The following FAP variants were observed in gnomAD, a reference collection of about 807,000 sequenced individuals.
FAP encodes fibroblast activation protein alpha.
Under a neutral mutation model 126.5 loss-of-function variants are expected in FAP, and 110 were observed. The observed-to-expected ratio is 0.87, with a 90% CI of 0.74 to 1.02. The LOEUF is 1.02. Ranked by LOEUF, FAP falls within the 50% of genes least tolerant of loss-of-function variation. FAP has a pLI of 0.00. For synonymous variants in FAP, 334 were observed against 297.3 expected, an observed-to-expected ratio of 1.12 and a Z score of -1.27; for missense variants, 919 against 909.2, an observed-to-expected ratio of 1.01 and a Z score of -0.14.
chr2:162,189,146 G>A lies in FAP; in HGVS notation c.1576C>T (p.Pro526Ser), dbSNP rs183442955. 115 of 1,603,006 alleles carry A rather than the reference G, an allele frequency of 7.2e-5. No homozygotes were observed. In the Middle Eastern group the frequency reaches 3.0e-3, roughly 42 times the overall value. ...ITLWYKMILP[P>S]QFDRSKKYPL... ...TACTTCTTTGATCTGTCAAATTGAG[G>A]AGGAAGAATCATCTTGTACCATAAA... Residue 526 changes from proline to serine, a missense_variant, in exon 19 of 26, where the codon CCT becomes TCT. By Grantham distance (74) the Pro-to-Ser change is moderately conservative. Transcript: ENST00000188790.
rs754022569 is a variant in FAP, at chr2:162,203,050, T to A, written c.1143A>T (p.Lys381Asn). ...CTTGGAAGGAACGTACCACAGTGTC[T>A]TTGATATAGTGAATATGTTTGTAGC... Reference protein sequence around the residue: ...KDGYKHIHYIKDTVENAIQIT... With the variant: ...KDGYKHIHYINDTVENAIQIT... The change falls in exon 13 of 26, where the codon AAA (lysine) becomes AAT (asparagine). Residue 381 changes from lysine to asparagine, a missense_variant. Transcript: ENST00000188790. The A allele has an allele frequency of 1.2e-6, 2 of 1,611,686 alleles. No individual in the cohort carries two copies. Among genetic ancestry groups the A allele is most frequent in the African/African-American group, 2.7e-5 (2 of 75,034 alleles).
chr2:162,224,065 A>G (rs1689526817), intron 5 of FAP, among the ~76,000 whole-genome samples: 1 of 152,102 alleles, frequency 6.6e-6, no homozygotes, highest in Admixed American at 6.6e-5. Context: ...TTCTAATTAT[A>G]CCCTTTAAAA....
intron 8 of FAP, among the ~76,000 whole-genome samples, chr2:162,218,822 G>A (rs974606401): frequency 2.6e-5 from 4 of 151,898 alleles, no homozygotes; most frequent in African/African-American, 9.7e-5. Context: ...TACTTTTTTG[G>A]ATTATAAATC....
chr2:162,205,580 C>T (rs1688669806), intron 12 of FAP, among the ~76,000 whole-genome samples: 1 of 151,824 alleles, frequency 6.6e-6, no homozygotes, highest in Non-Finnish European at 1.5e-5. Context: ...ATAGCGTGGT[C>T]TTGGCTCATC....
Position 162,179,998 on chromosome 2 carries a change from G to A in FAP, c.1869+3416C>T, listed in dbSNP as rs868713209. The stretch of plus-strand genomic sequence containing the variant: ...TAAGTTTTGTATTTTTAGTAGAGAC[G>A]GGGTTTCGTCATGTTGGTCAGGCTG... On this transcript the variant is annotated intron_variant, in intron 21 of 25. Coordinates refer to ENST00000188790, the MANE Select transcript of FAP (RefSeq NM_004460.5). Among the ~76,000 whole-genome samples the A allele has an allele frequency of 9.9e-5, 15 of 151,680 alleles. No homozygotes were observed. The South Asian group carries it at 1.0e-3, about 11-fold the overall frequency.
At chr2:162,217,016 C>T (rs1476084594) in intron 9 of FAP, among the ~76,000 whole-genome samples, 1 of 152,206 alleles carries the variant, frequency 6.6e-6, no homozygotes, top group African/African-American at 2.4e-5. Context: ...TCTTGGGTTC[C>T]CCCAAAATGT....
chr2:162,218,247 G>T, intron 8 of FAP, 107 bp from the exon 9 acceptor site: 1 of 743,718 alleles, frequency 1.3e-6, no homozygotes, highest in Non-Finnish European at 2.1e-6. Flanking sequence ...TATTTAATGT[G>T]GATGTGACAT....
In FAP at chr2:162,179,164, T is replaced by A. The variant is rs567277985; in HGVS notation, c.1870-4198A>T. Among the ~76,000 whole-genome samples, 53 of 152,192 alleles carry A rather than the reference T, an allele frequency of 3.5e-4. 1 individual carries two copies. Among genetic ancestry groups the A allele is most frequent in the African/African-American group, 1.3e-3 (52 of 41,506 alleles). On this transcript the variant is annotated intron_variant, in intron 21 of 25. Coordinates refer to ENST00000188790, the MANE Select transcript of FAP (RefSeq NM_004460.5). ...ATGTCCATAGAAAACATTGTCAATA[T>A]GTGTTCTGGGATGGTGGAGGAATAA...
At chr2:162,227,851 T>C (rs1689719098) in intron 2 of FAP, among the ~76,000 whole-genome samples, 1 of 152,172 alleles carries the variant, frequency 6.6e-6, no homozygotes, top group African/African-American at 2.4e-5. Flanking sequence ...GTCTCTCTCC[T>C]TTAATGCTCA....
chr2:162,198,291 T>G (rs1316406417), intron 16 of FAP: 1 of 1,290,006 alleles, frequency 7.8e-7, no homozygotes, highest in African/African-American at 1.5e-5. Context: ...AAGCCGTTGT[T>G]CATTCCCCTG....
At chr2:162,226,309 T>C (rs1689643547) in intron 3 of FAP, among the ~76,000 whole-genome samples, 1 of 152,170 alleles carries the variant, frequency 6.6e-6, no homozygotes, top group Non-Finnish European at 1.5e-5. Context: ...TCCTTCTCTA[T>C]TTAAAACTCT....
intron 16 of FAP, among the ~76,000 whole-genome samples, chr2:162,197,892 G>A (rs1260328108): frequency 6.6e-6 from 1 of 152,174 alleles, no homozygotes; most frequent in Non-Finnish European, 1.5e-5. Flanking sequence ...TTAGGAATAA[G>A]CTGGAGGGAG....
chr2:162,174,377 A>G (rs183210344), intron 22 of FAP, among the ~76,000 whole-genome samples: 1 of 152,190 alleles, frequency 6.6e-6, no homozygotes, highest in Non-Finnish European at 1.5e-5. Context: ...TTCCTTCCAA[A>G]TAATCATCCT....
chr2:162,205,026 A>G (rs543866476), intron 12 of FAP, among the ~76,000 whole-genome samples: 19 of 152,178 alleles, frequency 1.2e-4, no homozygotes, highest in African/African-American at 4.1e-4. Context: ...CTATGACCCA[A>G]TGAGGCCGAC....
At chr2:162,171,126 A>G (rs1264018385) in intron 25 of FAP, 46 bp from the exon 26 acceptor site, 2 of 1,504,726 alleles carry the variant, frequency 1.3e-6, no homozygotes, top group Non-Finnish European at 1.8e-6. Flanking sequence ...CAGTCATCAA[A>G]TGCATTTAGC....
chr2:162,197,796 C>T, intron 16 of FAP: 1 of 359,918 alleles, frequency 2.8e-6, no homozygotes, highest in South Asian at 2.2e-5. Flanking sequence ...GCCACATACC[C>T]CTACCAGGGG....
chr2:162,192,600 C>T (rs1418800269), intron 17 of FAP, among the ~76,000 whole-genome samples: 1 of 152,120 alleles, frequency 6.6e-6, no homozygotes, highest in African/African-American at 2.4e-5. Flanking sequence ...ACCACATGCT[C>T]CATAAATTAA....
chr2:162,233,095 G>A (rs1194732318), intron 2 of FAP, among the ~76,000 whole-genome samples: 2 of 150,876 alleles, frequency 1.3e-5, no homozygotes, highest in Non-Finnish European at 3.0e-5. Context: ...TCACTGGATT[G>A]TCTTTTGAAC....
intron 1 of FAP, 165 bp from the exon 2 acceptor site, chr2:162,243,157 A>T: frequency 1.3e-6 from 1 of 795,352 alleles, no homozygotes; most frequent in Admixed American, 2.5e-5. Context: ...CTCTGCAAGG[A>T]CAAATGTTTC....
Sources: allele counts gnomAD v4.1 joint callset (sites outside exome capture counted in the v4.1 genomes callset), GRCh38; gene constraint gnomAD v4.1.1; transcripts MANE v1.5; gene names NCBI Gene and HGNC (gene_info 2026-07-23, HGNC 2026-07-21).